The following BABAM2 variants were observed in gnomAD, a reference collection of about 807,000 sequenced individuals.
BABAM2 encodes the protein BRISC and BRCA1-A complex member 2.
BABAM2 carries 31 observed loss-of-function variants against 54.7 expected under a neutral mutation model. The ratio of observed to expected loss-of-function variants is 0.57; its 90% confidence interval spans 0.43 to 0.77. The LOEUF (loss-of-function observed/expected upper bound fraction) is 0.77, where lower values mean the gene tolerates loss of function less well. BABAM2 is among the 30% of genes least tolerant of loss of function. The probability of loss-of-function intolerance (pLI) is 0.00; values close to 1 mark genes in which losing one functional copy is unlikely to be tolerated. For missense variants in BABAM2, 364 were observed against 455.8 expected (o/e 0.80, Z 1.83); for synonymous variants, 167 against 162.9 (o/e 1.03, Z -0.19).
chr2:28,052,921 G>T (rs1320815119), intron 6 of BABAM2, among the ~76,000 whole-genome samples: 1 of 152,098 alleles, frequency 6.6e-6, no homozygotes, highest in Admixed American at 6.6e-5. Context: ...ACATTAGACT[G>T]ATTAACGTTA....
chr2:28,309,070 A>G (rs1572390492), intron 11 of BABAM2: 1 of 152,340 alleles, frequency 6.6e-6, no homozygotes. Flanking sequence ...GTTTTAGGCA[A>G]CTAAAATCAA....
At chr2:28,255,393 C>T (rs2148116163) in intron 10 of BABAM2, among the ~76,000 whole-genome samples, 1 of 152,236 alleles carries the variant, frequency 6.6e-6, no homozygotes, top group South Asian at 2.1e-4. Context: ...CCTGACTCAG[C>T]CTCCCAAGTA....
intron 7 of BABAM2, among the ~76,000 whole-genome samples, chr2:28,174,739 G>T (rs1168025621): frequency 1.3e-5 from 2 of 152,110 alleles, no homozygotes; most frequent in Non-Finnish European, 2.9e-5. Flanking sequence ...ACTCACACTG[G>T]GTCCCACATG....
intron 10 of BABAM2, among the ~76,000 whole-genome samples, chr2:28,277,804 G>A (rs890658247): frequency 2.0e-5 from 3 of 152,314 alleles, no homozygotes; most frequent in African/African-American, 2.4e-5. Flanking sequence ...ATGGACCAAC[G>A]TCTAGGTTAA....
intron 4 of BABAM2, 30 bp from the exon 5 acceptor site, chr2:28,025,196 C>T: frequency 1.3e-6 from 2 of 1,539,956 alleles, no homozygotes; most frequent in Non-Finnish European, 1.7e-6. Flanking sequence ...TCAGTTTTAA[C>T]TGGTCTTTTA....
chr2:28,015,792 C>A lies in BABAM2; in HGVS notation c.301-9434C>A, dbSNP rs1239288537. 3 of 1,055,132 alleles carry A rather than the reference C, an allele frequency of 2.8e-6. No individual in the cohort carries two copies. In the Admixed American group the frequency reaches 8.2e-5, roughly 29 times the overall value. The allele number at this position is 1,055,132 out of a possible 1,614,324, so 65.4% of individuals were successfully genotyped here. ...AACTAGCAGGCTTCTTTTTCTTCTT[C>A]CACTGTTTTTCTCATGCTTCTTTTT... On this transcript the variant is annotated intron_variant, in intron 4 of 11. Transcript: ENST00000379624.
intron 1 of BABAM2, 40 bp from the exon 2 acceptor site, chr2:27,894,492 AT>A: frequency 6.3e-7 from 1 of 1,581,026 alleles, no homozygotes; most frequent in Non-Finnish European, 8.7e-7. Context: ...TATCTAGTCC[AT>A]TTGTAAGCCC....
chr2:28,228,444 T>C (rs1328750545), intron 7 of BABAM2, among the ~76,000 whole-genome samples: 1 of 152,198 alleles, frequency 6.6e-6, no homozygotes, highest in Non-Finnish European at 1.5e-5. Context: ...ATGCACTGTT[T>C]TTTTTTCCAG....
intron 7 of BABAM2, among the ~76,000 whole-genome samples, chr2:28,203,270 T>C (rs1280376533): frequency 6.6e-6 from 1 of 152,366 alleles, no homozygotes; most frequent in Non-Finnish European, 1.5e-5. Flanking sequence ...ACAGTTGCGA[T>C]CTTCTCTAGT....
chr2:28,082,114 A>G (rs1665226423), intron 6 of BABAM2, among the ~76,000 whole-genome samples: 1 of 72,428 alleles, frequency 1.4e-5, no homozygotes, highest in Non-Finnish European at 3.5e-5. Context: ...CTATGGGGGA[A>G]AAAAAACAAC....
intron 10 of BABAM2, among the ~76,000 whole-genome samples, chr2:28,252,208 A>T (rs1388816684): frequency 6.6e-6 from 1 of 150,824 alleles, no homozygotes; most frequent in Non-Finnish European, 1.5e-5. Flanking sequence ...AAGCAAAAAA[A>T]CTATCAAAGC....
chr2:28,012,267 C>T (rs2148534140), intron 4 of BABAM2, among the ~76,000 whole-genome samples: 1 of 152,280 alleles, frequency 6.6e-6, no homozygotes, highest in African/African-American at 2.4e-5. Context: ...AGTTAGAAAT[C>T]ATATTTGCTA....
Position 28,003,205 on chromosome 2 carries a change from A to G in BABAM2, c.300+15118A>G, listed in dbSNP as rs548407432. On this transcript the variant is annotated intron_variant, in intron 4 of 11. Coordinates refer to ENST00000379624, the MANE Select transcript of BABAM2 (RefSeq NM_199191.3). ...TTAAAGCTTTGTTTTGCAAGTAGAT[A>G]ATTTAGTGTTGACCATGTCTGCCAT... 5.3e-5 allele frequency among the ~76,000 whole-genome samples: 8 copies of G among 152,288 alleles called. No individual in the cohort carries two copies. In the South Asian group the frequency reaches 1.4e-3, roughly 28 times the overall value.
At chr2:28,093,423 TACC>T (rs1666330742) in intron 6 of BABAM2, among the ~76,000 whole-genome samples, 1 of 152,192 alleles carries the variant, frequency 6.6e-6, no homozygotes. Context: ...TTCTTTACTG[TACC>T]ACACCAGTCA....
At chr2:28,301,936 T>A (rs560138043) in intron 11 of BABAM2, among the ~76,000 whole-genome samples, 1 of 152,352 alleles carries the variant, frequency 6.6e-6, no homozygotes, top group South Asian at 2.1e-4. Flanking sequence ...TTGACAAGTT[T>A]TGACGAAGTT....
intron 6 of BABAM2, among the ~76,000 whole-genome samples, chr2:28,114,474 C>T (rs1668422230): frequency 6.6e-6 from 1 of 152,138 alleles, no homozygotes; most frequent in South Asian, 2.1e-4. Flanking sequence ...TCACGTATTA[C>T]CTTGTAGGAT....
intron 11 of BABAM2, among the ~76,000 whole-genome samples, chr2:28,321,860 G>A (rs1690047270): frequency 6.6e-6 from 1 of 151,492 alleles, no homozygotes; most frequent in African/African-American, 2.4e-5. Context: ...GGAGTTCCTT[G>A]TCCCGGGTCA....
At chr2:28,008,082 A>ATC in intron 4 of BABAM2, among the ~76,000 whole-genome samples, 1 of 152,326 alleles carries the variant, frequency 6.6e-6, no homozygotes. Context: ...ATAGAGATGA[A>ATC]TAAAATACTG....
chr2:28,066,569 A>G (rs892246007), intron 6 of BABAM2, among the ~76,000 whole-genome samples: 8 of 152,230 alleles, frequency 5.3e-5, no homozygotes, highest in African/African-American at 1.9e-4. Context: ...GAGAAGTTCC[A>G]GCTCAGTGTC....
Sources: allele counts gnomAD v4.1 joint callset (sites outside exome capture counted in the v4.1 genomes callset), GRCh38; gene constraint gnomAD v4.1.1; transcripts MANE v1.5; gene names NCBI Gene and HGNC (gene_info 2026-07-23, HGNC 2026-07-21).